NOLC1: variants seen among roughly 807,000 people sequenced by gnomAD.
NOLC1 encodes the protein 140 kDa nucleolar phosphoprotein.
NOLC1 carries 37 observed loss-of-function variants against 73.4 expected under a neutral mutation model. The observed-to-expected ratio is 0.50, with a 90% CI of 0.39 to 0.66. The LOEUF is 0.66. NOLC1 is among the 30% of genes least tolerant of loss of function. The pLI is 0.00. For synonymous variants in NOLC1, 327 were observed against 302.6 expected, an observed-to-expected ratio of 1.08 and a Z score of -0.84; for missense variants, 921 against 838.9, an observed-to-expected ratio of 1.10 and a Z score of -1.21.
rs771228301 is a variant in NOLC1 at position 102,157,421 on chromosome 10, G to A, written c.317-10G>A. ...GGCTGATTCTTACTGGGACCTGTGT[G>A]TTTGTTCAGCTGTACCTGCCAAGCG... is the stretch of plus-strand genomic sequence containing the variant. On this transcript the variant is annotated splice_polypyrimidine_tract_variant and intron_variant, in intron 3 of 12. Transcript: ENST00000605788. 8.1e-6 allele frequency: 13 copies of A among 1,613,916 alleles called. No individual in the cohort carries two copies. The highest frequency in any genetic ancestry group is 6.7e-5 in the African/African-American group (5 of 74,932).
chr10:102,158,920 C>T (rs1217308943), intron 5 of NOLC1, among the ~76,000 whole-genome samples: 1 of 151,782 alleles, frequency 6.6e-6, no homozygotes, highest in East Asian at 1.9e-4. Flanking sequence ...CATGGCGAAA[C>T]CCTGTGTCTA....
Position 102,158,130 on chromosome 10 carries a change from T to G in NOLC1, c.523T>G (p.Ser175Ala). 1.2e-6 allele frequency: 2 copies of G among 1,614,084 alleles called. No homozygotes were observed. Among genetic ancestry groups the G allele is most frequent in the Non-Finnish European group, 1.7e-6 (2 of 1,179,988 alleles). The part of the protein sequence containing the change: ...KSSDSDSDSS[S>A]EDEPPKNQKP... Reference sequence around the variant, plus strand: ...CTCTGATTCTGATTCTGACTCAAGCTCCGAGGATGAGCCACCAAAGAACCA... The same window carrying G: ...CTCTGATTCTGATTCTGACTCAAGCGCCGAGGATGAGCCACCAAAGAACCA... The change falls in exon 5 of 13, where the codon TCC becomes GCC. Residue 175 changes from serine (S) to alanine (A), a missense_variant. Transcript: ENST00000605788.
chr10:102,158,344 T>C (rs1336767659), intron 5 of NOLC1, 130 bp downstream of exon 5: 1 of 588,888 alleles, frequency 1.7e-6, no homozygotes, highest in East Asian at 3.2e-5. Flanking sequence ...TTACTGGTCT[T>C]TTAATTTTAA....
rs770889990 is a variant in NOLC1, at chr10:102,157,072, C to A, written c.174C>A (p.Leu58=). The A allele has an allele frequency of 1.9e-6, 3 of 1,614,168 alleles. No individual in the cohort carries two copies. The highest frequency in any genetic ancestry group is 2.5e-6 in the Non-Finnish European group (3 of 1,180,012). ...SSLLDIYSFW[L]KSAKVPERKL... ...TCTTAGACATCTATAGCTTCTGGCT[C>A]AAGTAAGCCTTTCCTGTTCCATTTT... The change falls in exon 2 of 13, where the codon CTC becomes CTA. Residue 58 remains leucine (L), a splice_region_variant and synonymous_variant. Transcript: ENST00000605788.
At chr10:102,156,077 C>T (rs566240389) in intron 1 of NOLC1, among the ~76,000 whole-genome samples, 12 of 152,064 alleles carry the variant, frequency 7.9e-5, no homozygotes, top group South Asian at 6.2e-4. Flanking sequence ...TGGCCTCAGG[C>T]GATCTGCCCG....
At chr10:102,161,202 TG>T in intron 10 of NOLC1, 109 bp downstream of exon 10, 1 of 1,175,206 alleles carries the variant, frequency 8.5e-7, no homozygotes, top group Non-Finnish European at 1.2e-6. Context: ...GGCTTCCAGT[TG>T]TGGAAACTGG....
intron 1 of NOLC1, among the ~76,000 whole-genome samples, chr10:102,153,433 GA>G (rs1482274540): frequency 3.3e-5 from 5 of 152,232 alleles, no homozygotes; most frequent in African/African-American, 9.6e-5. Flanking sequence ...AGAGAGGAGA[GA>G]GGGGGGGTCT....
At chr10:102,157,810 T>C (rs2069624438) in intron 4 of NOLC1, among the ~76,000 whole-genome samples, 1 of 152,070 alleles carries the variant, frequency 6.6e-6, no homozygotes, top group Non-Finnish European at 1.5e-5. Flanking sequence ...TGGGACACTA[T>C]TCAGGGCTCC....
In NOLC1 at chr10:102,160,868, C is replaced by A. The variant is rs759830420; in HGVS notation, c.1516C>A (p.Pro506Thr). 2.5e-6 allele frequency: 4 copies of A among 1,614,124 alleles called. No homozygotes were observed. The highest frequency in any genetic ancestry group is 3.4e-6 in the Non-Finnish European group (4 of 1,180,010). ...KVAGGAAPSK[P>T]ASAKKGKAES... ...AGCAGGAGGTGCAGCCCCTTCCAAG[C>A]CAGCCTCTGCAAAGAAAGGAAAGGC... The change falls in exon 10 of 13, where the codon CCA (proline) becomes ACA (threonine). Residue 506 changes from proline to threonine, a missense_variant. Transcript: ENST00000605788.
chr10:102,161,958 G>A (rs2069717568), intron 12 of NOLC1, 33 bp downstream of exon 12: 5 of 1,606,766 alleles, frequency 3.1e-6, no homozygotes, highest in Non-Finnish European at 4.3e-6. Context: ...TCTTGGGAGG[G>A]AGGATGGGTA....
chr10:102,158,702 A>C (rs2069643896), intron 5 of NOLC1, among the ~76,000 whole-genome samples: 1 of 152,210 alleles, frequency 6.6e-6, no homozygotes, highest in African/African-American at 2.4e-5. Context: ...TTTTCTAAGA[A>C]GACAGTTTTA....
At position 102,159,186 on chromosome 10, in the gene NOLC1, A is replaced by G. The variant is rs772224623; in HGVS notation, c.608-7A>G. 6.2e-7 allele frequency: 1 copy of G among 1,609,180 alleles called. No individual in the cohort carries two copies. Among genetic ancestry groups the G allele is most frequent in the Non-Finnish European group, 8.5e-7 (1 of 1,178,532 alleles). On this transcript the variant is annotated splice_polypyrimidine_tract_variant and splice_region_variant and intron_variant, in intron 5 of 12. Coordinates refer to ENST00000605788, the MANE Select transcript of NOLC1 (RefSeq NM_004741.5). The stretch of plus-strand genomic sequence containing the variant: ...TCCTTACTCTTTCTTTTTCTTGGGT[A>G]TTCCAGCTCGAGCAGCACCTAAAAT...
intron 1 of NOLC1, among the ~76,000 whole-genome samples, chr10:102,156,248 G>A (rs1482831411): frequency 4.6e-5 from 7 of 152,172 alleles, no homozygotes; most frequent in African/African-American, 1.7e-4. Flanking sequence ...TTCTTAGATA[G>A]TACATTGCTA....
intron 7 of NOLC1, 144 bp from the exon 8 acceptor site, chr10:102,159,752 T>C: frequency 9.6e-7 from 1 of 1,045,430 alleles, no homozygotes; most frequent in South Asian, 1.7e-5. Flanking sequence ...GACTCAGAGG[T>C]GACACCATGT....
At chr10:102,160,048 C>T (rs773133715) in intron 8 of NOLC1, 24 bp downstream of exon 8, 6 of 1,608,574 alleles carry the variant, frequency 3.7e-6, no homozygotes, top group African/African-American at 1.3e-5. Context: ...ATGCAGCCTC[C>T]CCTCAGCGTG....
rs1564973441 is a variant in NOLC1, at chr10:102,162,139, G to A, written c.1970G>A (p.Arg657Gln). The A allele has an allele frequency of 6.8e-6, 11 of 1,613,892 alleles. No individual in the cohort carries two copies. Among genetic ancestry groups the A allele is most frequent in the South Asian group, 2.2e-5 (2 of 91,072 alleles). Residue 657 changes from arginine (R) to glutamine (Q), a missense_variant, in exon 13 of 13, where the codon CGA becomes CAA. Transcript: ENST00000605788. ...KRGAAGDWGERANQVLKFTKG... is the reference protein window; with the variant it reads ...KRGAAGDWGEQANQVLKFTKG... ...GGTGCAGCCGGAGACTGGGGAGAGC[G>A]AGCCAATCAGGTTTTGAAGTTCACC...
chr10:102,160,223 T>C lies in NOLC1; in HGVS notation c.989-10T>C. The C allele has an allele frequency of 6.2e-7, 1 of 1,612,602 alleles. No individual in the cohort carries two copies. The highest frequency in any genetic ancestry group is 1.3e-5 in the African/African-American group (1 of 74,978). ...TCTGGACCCAGCATAATGCTACAGG[T>C]TCTCCTCAGATTCAAGTTCTGAAGA... is the stretch of plus-strand genomic sequence containing the variant. On this transcript the variant is annotated splice_polypyrimidine_tract_variant and intron_variant, in intron 8 of 12. Transcript: ENST00000605788.
rs2069678914 is a variant in NOLC1, at chr10:102,160,330, T to C, written c.1086T>C (p.Ser362=). The change falls in exon 9 of 13, where the codon TCT becomes TCC. Residue 362 remains serine, a synonymous_variant. Coordinates refer to ENST00000605788, the MANE Select transcript of NOLC1 (RefSeq NM_004741.5). The part of the protein sequence containing the change: ...PPPAKKAAES[S]SDSSDSDSSE... Reference sequence around the variant, plus strand: ...CAGCAAAGAAAGCAGCAGAGAGCTCTTCAGACAGCTCAGGTAAGGCATATG... The same window carrying C: ...CAGCAAAGAAAGCAGCAGAGAGCTCCTCAGACAGCTCAGGTAAGGCATATG... 6.2e-7 allele frequency: 1 copy of C among 1,612,514 alleles called. No individual in the cohort carries two copies. The highest frequency in any genetic ancestry group is 8.5e-7 in the Non-Finnish European group (1 of 1,178,588).
intron 1 of NOLC1, among the ~76,000 whole-genome samples, chr10:102,153,818 G>A (rs549722045): frequency 3.2e-4 from 49 of 151,758 alleles, no homozygotes; most frequent in African/African-American, 8.7e-4. Flanking sequence ...GATTACAGGC[G>A]CGTACCACCA....
Sources: allele counts gnomAD v4.1 joint callset (sites outside exome capture counted in the v4.1 genomes callset), GRCh38; gene constraint gnomAD v4.1.1; transcripts MANE v1.5; gene names NCBI Gene and HGNC (gene_info 2026-07-23, HGNC 2026-07-21).